SLC30A7: variants seen among roughly 807,000 people sequenced by gnomAD.
The protein encoded by SLC30A7 is zinc transporter 7.
Under a neutral mutation model 46.0 loss-of-function variants are expected in SLC30A7, and 35 were observed. That is an observed-to-expected ratio of 0.76 (90% CI 0.58 to 1.01). The LOEUF (loss-of-function observed/expected upper bound fraction) is 1.01, where lower values mean the gene tolerates loss of function less well. SLC30A7 is among the 50% of genes least tolerant of loss of function. The pLI, the probability that SLC30A7 is intolerant of heterozygous loss-of-function variation, is 0.00. For missense variants in SLC30A7, 464 were observed against 451.1 expected, an observed-to-expected ratio of 1.03 and a Z score of -0.26; for synonymous variants, 147 against 157.8, an observed-to-expected ratio of 0.93 and a Z score of 0.51.
At chr1:100,905,597 T>C (rs970332490) in intron 2 of SLC30A7, among the ~76,000 whole-genome samples, 5 of 152,174 alleles carry the variant, frequency 3.3e-5, no homozygotes, top group East Asian at 1.9e-4. Flanking sequence ...GTTTGTCTGT[T>C]TGTTTCCACT....
the SLC30A7 span, among the ~76,000 whole-genome samples, chr1:100,993,559 A>AATATAAATATATAT: frequency 2.1e-4 from 12 of 56,526 alleles, no homozygotes; most frequent in Non-Finnish European, 3.4e-4. Flanking sequence ...CGAAAATATA[A>AATATAAATATATAT]ATATATATAT....
chr1:100,971,466 A>C (rs1656158007), intron 10 of SLC30A7, among the ~76,000 whole-genome samples: 1 of 152,122 alleles, frequency 6.6e-6, no homozygotes, highest in Non-Finnish European at 1.5e-5. Context: ...GAGGTTGGAG[A>C]GAACAACCAC....
At chr1:100,931,737 A>G (rs974131371) in intron 8 of SLC30A7, among the ~76,000 whole-genome samples, 3 of 152,230 alleles carry the variant, frequency 2.0e-5, no homozygotes, top group Non-Finnish European at 4.4e-5. Context: ...TCTATTTGTA[A>G]ACTGGATTTG....
intron 9 of SLC30A7, 55 bp downstream of exon 9, chr1:100,961,973 T>G: frequency 8.9e-7 from 1 of 1,126,806 alleles, no homozygotes; most frequent in Non-Finnish European, 1.3e-6. Flanking sequence ...AATCTCTTGA[T>G]TTTCAGCTTT....
chr1:100,990,215 C>T, the SLC30A7 span: 41 of 587,532 alleles, frequency 7.0e-5, no homozygotes, highest in Admixed American at 1.1e-3. Context: ...CTTATAAAAC[C>T]ATCAGATCTC....
chr1:100,907,700 C>T (rs1375921096), intron 3 of SLC30A7, among the ~76,000 whole-genome samples: 1 of 151,070 alleles, frequency 6.6e-6, no homozygotes, highest in African/African-American at 2.4e-5. Flanking sequence ...CCCCTCTGTC[C>T]TTTTCCTCCT....
intron 6 of SLC30A7, among the ~76,000 whole-genome samples, chr1:100,915,874 T>C (rs1652510923): frequency 6.6e-6 from 1 of 152,174 alleles, no homozygotes; most frequent in Admixed American, 6.5e-5. Context: ...TCTGCACCAG[T>C]TTACATTGCC....
chr1:100,982,464 A>T (rs1236376876), downstream of SLC30A7, among the ~76,000 whole-genome samples: 1 of 152,228 alleles, frequency 6.6e-6, no homozygotes, highest in Non-Finnish European at 1.5e-5. Flanking sequence ...AATTGAAGAA[A>T]ACAAATCTTT....
chr1:100,915,193 T>TTTTCTTTTCTTTTCTTTC (rs1553236582), intron 6 of SLC30A7, among the ~76,000 whole-genome samples: 5 of 90,858 alleles, frequency 5.5e-5, no homozygotes, highest in South Asian at 4.1e-4. Context: ...CTTTTCTTTC[T>TTTTCTTTTCTTTTCTTTC]TTTCTTTCTT....
chr1:100,993,346 T>C, the SLC30A7 span, among the ~76,000 whole-genome samples: 9 of 150,266 alleles, frequency 6.0e-5, no homozygotes, highest in East Asian at 1.6e-3. Context: ...AAGTCAGGAG[T>C]TTGAGACCAG....
chr1:100,977,468 G>A lies in SLC30A7; in HGVS notation c.*2611G>A, dbSNP rs912180615. Reference sequence around the variant, plus strand: ...TTTTGTCACTCTTAGGAAATATTTTGTCTTATTAGTGTTCTTGGCACATGT... The same window carrying A: ...TTTTGTCACTCTTAGGAAATATTTTATCTTATTAGTGTTCTTGGCACATGT... On this transcript the variant is annotated 3_prime_UTR_variant, in exon 11 of 11. Coordinates refer to ENST00000357650, the MANE Select transcript of SLC30A7 (RefSeq NM_133496.5). 3.3e-5 allele frequency: 5 copies of A among 152,180 alleles called. No homozygotes were observed. Among genetic ancestry groups the A allele is most frequent in the African/African-American group, 1.2e-4 (5 of 41,522 alleles). The allele number at this position is 152,180 out of a possible 1,614,324, so 9.4% of individuals were successfully genotyped here.
chr1:100,948,609 G>A (rs184280890), intron 8 of SLC30A7, among the ~76,000 whole-genome samples: 69 of 152,240 alleles, frequency 4.5e-4, no homozygotes, highest in Non-Finnish European at 8.4e-4. Flanking sequence ...GGTTGGGGAC[G>A]TTCTCCTGGA....
chr1:100,963,746 T>C (rs1655682036), intron 9 of SLC30A7, among the ~76,000 whole-genome samples: 1 of 152,196 alleles, frequency 6.6e-6, no homozygotes, highest in African/African-American at 2.4e-5. Flanking sequence ...TTAACTTAAT[T>C]TCCATTCATT....
At chr1:100,907,382 G>C (rs940737790) in intron 3 of SLC30A7, among the ~76,000 whole-genome samples, 1 of 152,044 alleles carries the variant, frequency 6.6e-6, no homozygotes, top group Non-Finnish European at 1.5e-5. Flanking sequence ...TTATGTAACA[G>C]TTCTTATATG....
rs1462107866 is a variant in SLC30A7 at position 100,909,862 on chromosome 1, A to G, written c.297-1201A>G. Among the ~76,000 whole-genome samples the G allele has an allele frequency of 9.9e-5, 15 of 152,250 alleles. No individual in the cohort carries two copies. The South Asian group carries it at 2.1e-3, about 21-fold the overall frequency. ...CTACAAGGGTAGATTAAAAGAAAATACTTTTTACTTTTGGATAGTAACCCT... is the reference window on the plus strand; with the variant it reads ...CTACAAGGGTAGATTAAAAGAAAATGCTTTTTACTTTTGGATAGTAACCCT... On this transcript the variant is annotated intron_variant, in intron 3 of 10. Coordinates refer to ENST00000357650, the MANE Select transcript of SLC30A7 (RefSeq NM_133496.5).
Position 100,967,264 on chromosome 1 carries a change from C to T in SLC30A7, c.1083+1346C>T, listed in dbSNP as rs182398729. 1.2e-3 allele frequency among the ~76,000 whole-genome samples: 186 copies of T among 152,268 alleles called. 1 individual carries two copies. Among genetic ancestry groups the T allele is most frequent in the African/African-American group, 4.2e-3 (176 of 41,540 alleles). ...CCGGCTTTGTGGAAGACAGTTTTTC[C>T]GTGAACAGGGGTTGGAGGTGGTGGT... On this transcript the variant is annotated intron_variant, in intron 10 of 10. Transcript: ENST00000357650.
rs750097487 is a variant in SLC30A7, at chr1:100,896,349, G to A, written c.80+7G>A. 6.2e-7 allele frequency: 1 copy of A among 1,614,138 alleles called. No individual in the cohort carries two copies. Among genetic ancestry groups the A allele is most frequent in the Non-Finnish European group, 8.5e-7 (1 of 1,180,000 alleles). On this transcript the variant is annotated splice_region_variant and intron_variant, in intron 1 of 10. Transcript: ENST00000357650. ...AGATCTCGGGCTGGTTTAGGTGCGG[G>A]GTGCTGTGTTTGCGGGGAGGGGGTG...
At chr1:100,986,179 G>A (rs1433949904), downstream of SLC30A7, among the ~76,000 whole-genome samples, 1 of 152,108 alleles carries the variant, frequency 6.6e-6, no homozygotes, top group African/African-American at 2.4e-5. Context: ...GGAGGCCAAG[G>A]CAGGCAGATC....
At chr1:100,946,004 C>T (rs1654612687) in intron 8 of SLC30A7, among the ~76,000 whole-genome samples, 2 of 152,194 alleles carry the variant, frequency 1.3e-5, no homozygotes, top group South Asian at 4.2e-4. Flanking sequence ...CCTTCACATC[C>T]CCTGTAAGTT....
Sources: gnomAD v4.1 joint callset for allele counts (sites outside exome capture counted in the v4.1 genomes callset) on GRCh38, gnomAD v4.1.1 for gene constraint, MANE v1.5 for transcripts, NCBI Gene and HGNC (gene_info 2026-07-23, HGNC 2026-07-21) for gene names.